Variants in SATB2 observed in about 807,000 individuals in gnomAD.
The protein encoded by SATB2 is DNA-binding protein SATB2.
SATB2 carries 1 observed loss-of-function variant against 73.4 expected under a neutral mutation model. That is an observed-to-expected ratio of 0.01 (90% CI 0.00 to 0.06). The LOEUF is 0.06. Ranked by LOEUF, SATB2 falls within the 10% of genes least tolerant of loss-of-function variation. The pLI is 1.00. For missense variants in SATB2, 459 were observed against 945.8 expected (o/e 0.49, Z 6.75); for synonymous variants, 397 against 367.0 (o/e 1.08, Z -0.93).
At chr2:199,304,020 C>A (rs1687361517) in intron 10 of SATB2, among the ~76,000 whole-genome samples, 1 of 152,160 alleles carries the variant, frequency 6.6e-6, no homozygotes, top group African/African-American at 2.4e-5. Flanking sequence ...CACCCTCACT[C>A]AATGACCTAG....
chr2:199,272,726 A>G lies in SATB2; in HGVS notation c.1741-54T>C. 1 of 1,498,800 alleles carries G rather than the reference A, an allele frequency of 6.7e-7. No homozygotes were observed. The highest frequency in any genetic ancestry group is 1.1e-5 in the South Asian group (1 of 88,644). 92.8% of individuals were successfully genotyped at this position (1,498,800 alleles called of 1,614,324 possible). A position where few individuals can be genotyped will look rare whatever the true frequency, so the allele number is the denominator to read the frequency against. ...ACTGGACTCATGATTTTACCTTTCC[A>G]AAACCATCAGCCCTCTGAAATATGT... is the stretch of plus-strand genomic sequence containing the variant. On this transcript the variant is annotated intron_variant, in intron 10 of 10. Transcript: ENST00000417098. The surrounding 1 kb of genome is among the most constrained non-coding windows in gnomAD (Gnocchi z 6.7).
At chr2:199,456,972 G>GGGA (rs1692297615) in intron 1 of SATB2, among the ~76,000 whole-genome samples, 1 of 142,074 alleles carries the variant, frequency 7.0e-6, no homozygotes, top group Non-Finnish European at 1.6e-5. Flanking sequence ...TGGATTGGGG[G>GGGA]GGTGGGGGGG....
chr2:199,278,933 T>C (rs1250171041), intron 10 of SATB2, among the ~76,000 whole-genome samples: 1 of 152,374 alleles, frequency 6.6e-6, no homozygotes, highest in African/African-American at 2.4e-5. Flanking sequence ...CAAACATTTA[T>C]GGAGTATCTA....
At position 199,323,957 on chromosome 2, in the gene SATB2, G is replaced by A. The variant is rs1024314266; in HGVS notation, c.1388C>T (p.Ala463Val). The change falls in exon 9 of 11, where the codon GCC becomes GTC. Residue 463 changes from alanine (A) to valine (V), a missense_variant and splice_region_variant. Ala to Val is a moderately conservative substitution (Grantham distance 64). Transcript: ENST00000417098. ...GTCTGTTGTCGGTGTCGAGGTTTTG[G>A]CCTACCAAGAGACCATGAAAATAAT... ...SSPSSSRTPQ[A>V]KTSTPTTDLP... 1 of 1,613,102 alleles carries A rather than the reference G, an allele frequency of 6.2e-7. No homozygotes were observed. The highest frequency in any genetic ancestry group is 8.5e-7 in the Non-Finnish European group (1 of 1,179,446).
intron 3 of SATB2, among the ~76,000 whole-genome samples, chr2:199,418,412 G>A (rs1559042840): frequency 6.6e-6 from 1 of 152,128 alleles, no homozygotes; most frequent in Admixed American, 6.5e-5. Flanking sequence ...CCACTTCTTA[G>A]GGGAAAGAAA....
chr2:199,412,025 A>C (rs16831448), intron 3 of SATB2, among the ~76,000 whole-genome samples: 3,134 of 152,230 alleles, frequency 0.021, 107 homozygotes, highest in African/African-American at 0.07. Flanking sequence ...CAAACTACAG[A>C]AAATTCAGCT....
intron 7 of SATB2, among the ~76,000 whole-genome samples, chr2:199,336,251 T>C (rs1688335570): frequency 6.6e-6 from 1 of 152,172 alleles, no homozygotes; most frequent in African/African-American, 2.4e-5. Context: ...CAGGTTCCCT[T>C]TGGAAACGTT....
chr2:199,316,101 C>T (rs140226350), intron 9 of SATB2, among the ~76,000 whole-genome samples: 4 of 152,198 alleles, frequency 2.6e-5, no homozygotes, highest in African/African-American at 7.2e-5. Context: ...ACAGACAGTT[C>T]GCTTTCTAAA....
At chr2:199,317,392 G>A (rs1305688924) in intron 9 of SATB2, among the ~76,000 whole-genome samples, 1 of 152,072 alleles carries the variant, frequency 6.6e-6, no homozygotes, top group Non-Finnish European at 1.5e-5. Context: ...GGAGAAATCA[G>A]AGAGGAAGCT....
chr2:199,270,235 T>G lies in SATB2; in HGVS notation c.*1976A>C, dbSNP rs1692112776. The G allele has an allele frequency of 6.5e-6, 1 of 152,738 alleles. No individual in the cohort carries two copies. Among genetic ancestry groups the G allele is most frequent in the South Asian group, 2.1e-4 (1 of 4,826 alleles). 9.5% of individuals were successfully genotyped at this position (152,738 alleles called of 1,614,324 possible). A position where few individuals can be genotyped will look rare whatever the true frequency, so the allele number is the denominator to read the frequency against. On this transcript the variant is annotated 3_prime_UTR_variant, in exon 11 of 11. Transcript: ENST00000417098. ...TCAAGATAATTTTTAAACATCATTA[T>G]TTGAAAAAGTACAGGAAAATGTCCC...
At chr2:199,381,193 TTTTGTTTG>T (rs138386740) in intron 4 of SATB2, among the ~76,000 whole-genome samples, 9 of 151,566 alleles carry the variant, frequency 5.9e-5, no homozygotes, top group South Asian at 2.1e-4. Flanking sequence ...CAAAGTGTGT[TTTTGTTTG>T]TTTGTTTGTT....
chr2:199,420,063 T>G (rs1268970090), intron 3 of SATB2, among the ~76,000 whole-genome samples: 1 of 152,160 alleles, frequency 6.6e-6, no homozygotes, highest in Non-Finnish European at 1.5e-5. Flanking sequence ...CAGAGGGGTG[T>G]GGTGGCTAAG....
At chr2:199,311,939 G>A (rs1342003399) in intron 9 of SATB2, among the ~76,000 whole-genome samples, 1 of 152,076 alleles carries the variant, frequency 6.6e-6, no homozygotes, top group Non-Finnish European at 1.5e-5. Flanking sequence ...GTATGTAATT[G>A]TGAGTGACCC....
intron 10 of SATB2, among the ~76,000 whole-genome samples, chr2:199,278,306 G>A (rs955271594): frequency 1.3e-5 from 2 of 152,244 alleles, no homozygotes; most frequent in African/African-American, 2.4e-5. Flanking sequence ...GAGCTGTGCC[G>A]CCCAATACAG....
In SATB2 at chr2:199,418,364, C is replaced by A. The variant is rs16831466; in HGVS notation, c.346+14974G>T. On this transcript the variant is annotated intron_variant, in intron 3 of 10. Transcript: ENST00000417098. ...GACACAGAACTAGAGGGCCAACGATCTGTTAAGTGAGCGAAGTCATCGTGA... is the reference window on the plus strand; with the variant it reads ...GACACAGAACTAGAGGGCCAACGATATGTTAAGTGAGCGAAGTCATCGTGA... Among the ~76,000 whole-genome samples, 2,830 of 152,246 alleles carry A rather than the reference C, an allele frequency of 0.019. 249 individuals carry two copies. The East Asian group carries it at 0.26, about 14-fold the overall frequency.
chr2:199,468,681 T>C (rs1412710424), upstream of SATB2, among the ~76,000 whole-genome samples: 3 of 152,192 alleles, frequency 2.0e-5, no homozygotes, highest in African/African-American at 4.8e-5. Flanking sequence ...CCGTCTTCGT[T>C]AAATGGGCTG....
chr2:199,384,029 T>C (rs1689857449), intron 3 of SATB2, among the ~76,000 whole-genome samples: 1 of 152,196 alleles, frequency 6.6e-6, no homozygotes. Context: ...CATTTTTGTA[T>C]GTAAATTATA....
At chr2:199,430,554 A>C (rs748525116) in intron 3 of SATB2, among the ~76,000 whole-genome samples, 2 of 152,216 alleles carry the variant, frequency 1.3e-5, no homozygotes, top group Non-Finnish European at 2.9e-5. Context: ...TTATGACAGT[A>C]TCTTTTACAC....
intron 7 of SATB2, among the ~76,000 whole-genome samples, chr2:199,333,138 A>G (rs1688236308): frequency 6.6e-6 from 1 of 151,718 alleles, no homozygotes; most frequent in Non-Finnish European, 1.5e-5. Context: ...GAACCCCCAA[A>G]TTCAATATAC....
Sources: allele counts gnomAD v4.1 joint callset (sites outside exome capture counted in the v4.1 genomes callset), GRCh38; gene constraint gnomAD v4.1.1; non-coding constraint Gnocchi (gnomAD v3.1); transcripts MANE v1.5; gene names NCBI Gene and HGNC (gene_info 2026-07-23, HGNC 2026-07-21).